The following RNF150 variants were observed in gnomAD, a reference collection of about 807,000 sequenced individuals.
The protein encoded by RNF150 is ring finger protein 150.
A neutral mutation model predicts 39.3 loss-of-function variants in RNF150; 24 were observed. The observed-to-expected ratio is 0.61, with a 90% confidence interval of 0.44 to 0.86. The LOEUF (loss-of-function observed/expected upper bound fraction) is 0.86, where lower values mean the gene tolerates loss of function less well. Among genes scored for constraint, RNF150 ranks in the 40% least tolerant of loss-of-function variants. The pLI is 0.00. For synonymous variants in RNF150, 255 were observed against 227.3 expected (o/e 1.12, Z -1.10); for missense variants, 502 against 587.8 (o/e 0.85, Z 1.51).
intron 1 of RNF150, among the ~76,000 whole-genome samples, chr4:141,189,727 G>C (rs539170616): frequency 7.3e-4 from 111 of 152,258 alleles, no homozygotes; most frequent in Non-Finnish European, 2.9e-5. Context: ...TCCAGCCTCA[G>C]TAATGGCAGA....
Position 141,152,183 on chromosome 4 carries a change from G to A in RNF150, c.-6+60611C>T, listed in dbSNP as rs148422536. Among the ~76,000 whole-genome samples the A allele has an allele frequency of 7.1e-3, 1,076 of 152,238 alleles. 14 individuals are homozygous for A. Among genetic ancestry groups the A allele is most frequent in the African/African-American group, 0.024 (992 of 41,544 alleles). On this transcript the variant is annotated intron_variant, in intron 1 of 7. Coordinates refer to the RNF150 transcript ENST00000420921. ...AAATTTTATTACAGAATTATATTATGCCACAAGGATTCATCAACGGGTGAG... is the reference window on the plus strand; with the variant it reads ...AAATTTTATTACAGAATTATATTATACCACAAGGATTCATCAACGGGTGAG...
intron 1 of RNF150, among the ~76,000 whole-genome samples, chr4:141,198,304 G>A (rs975890922): frequency 2.0e-5 from 3 of 152,130 alleles, no homozygotes; most frequent in Admixed American, 6.5e-5. Flanking sequence ...AGGGATTACA[G>A]CCATGAGCCA....
At chr4:141,205,388 ACT>A (rs904945977) in intron 1 of RNF150, among the ~76,000 whole-genome samples, 1 of 152,142 alleles carries the variant, frequency 6.6e-6, no homozygotes, top group Admixed American at 6.5e-5. Flanking sequence ...TCTTTTCTAT[ACT>A]ATGCTTCACA....
chr4:140,898,283 T>TTA (rs1461675310), intron 6 of RNF150, among the ~76,000 whole-genome samples: 1 of 151,690 alleles, frequency 6.6e-6, no homozygotes, highest in Non-Finnish European at 1.5e-5. Flanking sequence ...GCACACATTT[T>TTA]TTTTTTTTGA....
chr4:141,075,024 G>A (rs972989598), intron 1 of RNF150, among the ~76,000 whole-genome samples: 9 of 152,142 alleles, frequency 5.9e-5, no homozygotes, highest in Non-Finnish European at 8.8e-5. Context: ...ATACTGTCCC[G>A]TGAGTTTTGT....
At chr4:140,948,625 G>C (rs986150728) in intron 3 of RNF150, among the ~76,000 whole-genome samples, 6 of 152,154 alleles carry the variant, frequency 3.9e-5, no homozygotes, top group African/African-American at 1.4e-4. Context: ...ATTTTATAGA[G>C]ACAGGGTCTT....
chr4:140,900,410 T>C (rs1371382438), intron 6 of RNF150, among the ~76,000 whole-genome samples: 1 of 152,072 alleles, frequency 6.6e-6, no homozygotes, highest in Admixed American at 6.6e-5. Context: ...AATAAGGTTG[T>C]AAGGACATTC....
intron 1 of RNF150, among the ~76,000 whole-genome samples, chr4:141,049,874 T>C (rs1029645281): frequency 6.6e-6 from 1 of 151,958 alleles, no homozygotes; most frequent in African/African-American, 2.4e-5. Context: ...ATGCCACCAC[T>C]AAAAAGATAA....
At chr4:141,177,599 T>C (rs1355134134) in intron 1 of RNF150, among the ~76,000 whole-genome samples, 1 of 152,174 alleles carries the variant, frequency 6.6e-6, no homozygotes, top group African/African-American at 2.4e-5. Context: ...AAGAGAATTT[T>C]TCTTAAGGAG....
chr4:141,038,970 T>A lies in RNF150; in HGVS notation c.485-71097A>T, dbSNP rs529755811. Among the ~76,000 whole-genome samples the A allele has an allele frequency of 5.3e-5, 8 of 152,048 alleles. No homozygotes were observed. In the East Asian group the frequency reaches 1.4e-3, roughly 26 times the overall value. The stretch of plus-strand genomic sequence containing the variant: ...GGCTCTGGGTGGTAGCCCGAAGGTC[T>A]AATGTGGCTGATAGACTGAGGTTAA... On this transcript the variant is annotated intron_variant, in intron 1 of 6. Coordinates refer to ENST00000515673, the MANE Select transcript of RNF150 (RefSeq NM_020724.2).
rs149748420 is a variant in RNF150, at chr4:140,962,056, C to CTCTCTCTCTTCTCTCTCT, written c.735+5549_735+5566dup. ...ATATCATCGTCTGATTAACATCTCT[C>CTCTCTCTCTTCTCTCTCT]TCTCTCTCTTCTCTCTCTCTCTCTA... On this transcript the variant is annotated intron_variant, in intron 2 of 6. Coordinates refer to ENST00000515673, the MANE Select transcript of RNF150 (RefSeq NM_020724.2). Among the ~76,000 whole-genome samples, 34 of 118,414 alleles carry CTCTCTCTCTTCTCTCTCT rather than the reference C, an allele frequency of 2.9e-4. 1 individual carries two copies. Among genetic ancestry groups the CTCTCTCTCTTCTCTCTCT allele is most frequent in the Middle Eastern group, 5.1e-3 (1 of 198 alleles). 77.7% of individuals were successfully genotyped at this position (118,414 alleles called of 152,430 possible).
At chr4:141,202,038 T>C (rs538403816) in intron 1 of RNF150, among the ~76,000 whole-genome samples, 92 of 152,256 alleles carry the variant, frequency 6.0e-4, no homozygotes, top group Middle Eastern at 3.4e-3. Flanking sequence ...CTATGAGAAA[T>C]TGGCTCTCAC....
chr4:140,911,420 C>A, intron 5 of RNF150, 66 bp from the exon 6 acceptor site: 1 of 1,323,198 alleles, frequency 7.6e-7, no homozygotes, highest in Admixed American at 2.3e-5. Context: ...ATGTCTATAG[C>A]CTAAACATTC....
intron 1 of RNF150, among the ~76,000 whole-genome samples, chr4:141,090,586 G>A (rs1470217761): frequency 6.6e-6 from 1 of 152,172 alleles, no homozygotes; most frequent in African/African-American, 2.4e-5. Flanking sequence ...TAATAGTGAT[G>A]TGGCAGCCCA....
intron 1 of RNF150, among the ~76,000 whole-genome samples, chr4:141,075,162 GT>G (rs1316698654): frequency 6.6e-6 from 1 of 152,180 alleles, no homozygotes. Context: ...ATGGGCAAGT[GT>G]TTTTTTAAGA....
At chr4:140,897,837 A>G (rs1730019678) in intron 6 of RNF150, among the ~76,000 whole-genome samples, 1 of 152,080 alleles carries the variant, frequency 6.6e-6, no homozygotes, top group Non-Finnish European at 1.5e-5. Context: ...TCTCTAAATT[A>G]CCTCCATTTT....
At chr4:141,080,643 C>T (rs1181300783) in intron 1 of RNF150, among the ~76,000 whole-genome samples, 1 of 152,150 alleles carries the variant, frequency 6.6e-6, no homozygotes, top group African/African-American at 2.4e-5. Context: ...TTTTCTGTCT[C>T]TAAACAAGCC....
At chr4:140,983,268 C>A (rs567883517) in intron 1 of RNF150, among the ~76,000 whole-genome samples, 1 of 152,240 alleles carries the variant, frequency 6.6e-6, no homozygotes, top group Admixed American at 6.5e-5. Flanking sequence ...ACTTTCAACA[C>A]AGAACTTCAA....
chr4:141,099,915 T>C (rs1327012323), intron 1 of RNF150, among the ~76,000 whole-genome samples: 2 of 152,200 alleles, frequency 1.3e-5, no homozygotes, highest in Non-Finnish European at 2.9e-5. Context: ...ATTGTGACTA[T>C]GTATGTTTTA....
Sources: allele counts gnomAD v4.1 joint callset (sites outside exome capture counted in the v4.1 genomes callset), GRCh38; gene constraint gnomAD v4.1.1; transcripts MANE v1.5; gene names NCBI Gene and HGNC (gene_info 2026-07-23, HGNC 2026-07-21).